The following ADGRB3 variants were observed in gnomAD, a reference collection of about 807,000 sequenced individuals.
The protein encoded by ADGRB3 is brain-specific angiogenesis inhibitor 3.
ADGRB3 carries 37 observed loss-of-function variants against 193.4 expected under a neutral mutation model. The observed-to-expected ratio is 0.19, with a 90% CI of 0.15 to 0.25. The LOEUF is 0.25. Among genes scored for constraint, ADGRB3 ranks in the 10% least tolerant of loss-of-function variants. ADGRB3 has a pLI of 1.00. For synonymous variants in ADGRB3, 690 were observed against 644.2 expected, an observed-to-expected ratio of 1.07 and a Z score of -1.08; for missense variants, 1,637 against 1,852.9, an observed-to-expected ratio of 0.88 and a Z score of 2.14.
At chr6:68,752,035 A>G (rs1766209435) in intron 3 of ADGRB3, among the ~76,000 whole-genome samples, 2 of 152,166 alleles carry the variant, frequency 1.3e-5, no homozygotes, top group South Asian at 2.1e-4. Flanking sequence ...ACTGTGGGGG[A>G]AAAAAGGCAT....
chr6:68,835,457 C>G (rs564193709), intron 3 of ADGRB3, among the ~76,000 whole-genome samples: 16 of 151,878 alleles, frequency 1.1e-4, no homozygotes, highest in African/African-American at 3.9e-4. Flanking sequence ...TTCAATTATC[C>G]TAGAAAAAAA....
At chr6:69,032,871 A>T (rs533868201) in intron 13 of ADGRB3, among the ~76,000 whole-genome samples, 2 of 152,108 alleles carry the variant, frequency 1.3e-5, no homozygotes, top group Non-Finnish European at 2.9e-5. Flanking sequence ...TCTGGAAGTT[A>T]TCTCTCCTGT....
chr6:69,131,678 C>A (rs1443665020), intron 17 of ADGRB3, among the ~76,000 whole-genome samples: 1 of 151,886 alleles, frequency 6.6e-6, no homozygotes, highest in Non-Finnish European at 1.5e-5. Context: ...GCCAAACATG[C>A]AGGTTTGTTA....
At chr6:68,766,082 T>A (rs1766503860) in intron 3 of ADGRB3, among the ~76,000 whole-genome samples, 1 of 152,064 alleles carries the variant, frequency 6.6e-6, no homozygotes, top group Admixed American at 6.5e-5. Context: ...TCTTGCCAGA[T>A]TTCTTTTAGG....
Position 69,388,733 on chromosome 6 carries a change from G to C in ADGRB3, c.4411G>C (p.Asp1471His). 3 of 1,613,186 alleles carry C rather than the reference G, an allele frequency of 1.9e-6. No individual in the cohort carries two copies. Among genetic ancestry groups the C allele is most frequent in the Non-Finnish European group, 2.5e-6 (3 of 1,179,540 alleles). ...ENPAPNKNPW[D>H]TFKNPSEYPH... ...CCCCGCACCAAACAAGAATCCATGG[G>C]ACACTTTCAAAAACCCCAGTGAATA... The change falls in exon 32 of 32, where the codon GAC (aspartate) becomes CAC (histidine). Residue 1471 changes from aspartate (D) to histidine (H), a missense_variant. Asp to His is a moderately conservative substitution (Grantham distance 81). Transcript: ENST00000370598.
intron 3 of ADGRB3, among the ~76,000 whole-genome samples, chr6:68,826,305 G>T (rs377340214): frequency 6.6e-6 from 1 of 152,174 alleles, no homozygotes; most frequent in African/African-American, 2.4e-5. Flanking sequence ...ATGGGAATTC[G>T]AGGAAGGCTT....
At chr6:68,816,282 A>G (rs1009875934) in intron 3 of ADGRB3, among the ~76,000 whole-genome samples, 1 of 152,064 alleles carries the variant, frequency 6.6e-6, no homozygotes, top group Non-Finnish European at 1.5e-5. Flanking sequence ...AATAAAAATT[A>G]TCATTATTTA....
At chr6:69,048,460 A>T (rs1265637902) in intron 14 of ADGRB3, 126 bp downstream of exon 14, 10 of 1,001,168 alleles carry the variant, frequency 1.0e-5, no homozygotes, top group Admixed American at 6.1e-5. Context: ...ATTTTAAACT[A>T]ATTTTCTAAA....
chr6:68,973,701 G>T (rs1015710690), intron 8 of ADGRB3, among the ~76,000 whole-genome samples: 4 of 152,144 alleles, frequency 2.6e-5, no homozygotes, highest in African/African-American at 9.7e-5. Flanking sequence ...AGGTACAAGT[G>T]ATACAGAGGT....
At chr6:69,214,042 C>T (rs905760452) in intron 17 of ADGRB3, among the ~76,000 whole-genome samples, 1 of 152,084 alleles carries the variant, frequency 6.6e-6, no homozygotes, top group Non-Finnish European at 1.5e-5. Context: ...TATCAGAACA[C>T]AAGCAGCCCT....
chr6:68,732,870 A>G (rs755106648), intron 3 of ADGRB3, among the ~76,000 whole-genome samples: 2 of 151,900 alleles, frequency 1.3e-5, no homozygotes, highest in African/African-American at 2.4e-5. Context: ...AGCAGCATCA[A>G]ATTTTCCTAG....
chr6:69,270,937 A>G (rs546150551), intron 20 of ADGRB3, among the ~76,000 whole-genome samples: 2 of 152,144 alleles, frequency 1.3e-5, no homozygotes, highest in South Asian at 2.1e-4. Context: ...CAAACAACCC[A>G]TTGAATTGGT....
chr6:69,020,630 G>A (rs1770236227), intron 13 of ADGRB3, among the ~76,000 whole-genome samples: 2 of 152,000 alleles, frequency 1.3e-5, no homozygotes, highest in African/African-American at 4.8e-5. Flanking sequence ...CCTGAGGATA[G>A]TGTGATTGTT....
chr6:69,237,991 C>A (rs952278224), intron 19 of ADGRB3, among the ~76,000 whole-genome samples: 1 of 152,034 alleles, frequency 6.6e-6, no homozygotes, highest in Non-Finnish European at 1.5e-5. Flanking sequence ...TTTTATATTA[C>A]AAAAACTCCT....
intron 31 of ADGRB3, among the ~76,000 whole-genome samples, chr6:69,388,075 A>T (rs1161239493): frequency 3.3e-5 from 5 of 150,296 alleles, no homozygotes; most frequent in African/African-American, 7.3e-5. Flanking sequence ...TTACAAGTTT[A>T]AAAAAGTATT....
At chr6:69,255,675 T>G (rs1457031518) in intron 20 of ADGRB3, among the ~76,000 whole-genome samples, 1 of 152,224 alleles carries the variant, frequency 6.6e-6, no homozygotes, top group Non-Finnish European at 1.5e-5. Context: ...TGATGGTAGT[T>G]TCTTTTGCTG....
intron 3 of ADGRB3, among the ~76,000 whole-genome samples, chr6:68,663,441 CTT>C (rs899121046): frequency 1.3e-5 from 2 of 151,440 alleles, no homozygotes; most frequent in African/African-American, 2.4e-5. Context: ...GAGTTTTAAA[CTT>C]GAGATTAATA....
intron 3 of ADGRB3, among the ~76,000 whole-genome samples, chr6:68,787,699 C>G (rs988412031): frequency 2.0e-5 from 3 of 152,088 alleles, no homozygotes; most frequent in African/African-American, 7.2e-5. Context: ...CCCTCTTTTT[C>G]TATTGATTGG....
intron 3 of ADGRB3, among the ~76,000 whole-genome samples, chr6:68,844,560 T>G (rs1389147171): frequency 6.6e-6 from 1 of 152,198 alleles, no homozygotes; most frequent in Non-Finnish European, 1.5e-5. Context: ...TAAAGTAGTA[T>G]GATCACTATG....
Sources: gnomAD v4.1 joint callset for allele counts (sites outside exome capture counted in the v4.1 genomes callset) on GRCh38, gnomAD v4.1.1 for gene constraint, MANE v1.5 for transcripts, NCBI Gene and HGNC (gene_info 2026-07-23, HGNC 2026-07-21) for gene names.